Variants in EPB41L4A observed in about 807,000 individuals in gnomAD.
EPB41L4A encodes the protein erythrocyte membrane protein band 4.1 like 4A.
Under a neutral mutation model 108.6 loss-of-function variants are expected in EPB41L4A, and 100 were observed. That is an observed-to-expected ratio of 0.92 (90% CI 0.78 to 1.09). The LOEUF is 1.09. EPB41L4A is among the 50% of genes least tolerant of loss of function. The pLI is 0.00. For synonymous variants in EPB41L4A, 319 were observed against 289.0 expected, an observed-to-expected ratio of 1.10 and a Z score of -1.05; for missense variants, 1,030 against 842.7, an observed-to-expected ratio of 1.22 and a Z score of -2.75.
chr5:112,399,456 T>A (rs139551956), intron 1 of EPB41L4A, among the ~76,000 whole-genome samples: 117 of 152,310 alleles, frequency 7.7e-4, no homozygotes, highest in African/African-American at 2.7e-3. Flanking sequence ...CATGGCTGCA[T>A]CCAGGGCCCA....
At chr5:112,189,541 C>G (rs1318336296) in intron 17 of EPB41L4A, among the ~76,000 whole-genome samples, 1 of 152,128 alleles carries the variant, frequency 6.6e-6, no homozygotes, top group South Asian at 2.1e-4. Flanking sequence ...TGCAAACATC[C>G]TAGAATAAAA....
intron 1 of EPB41L4A, among the ~76,000 whole-genome samples, chr5:112,381,687 T>C (rs751547074): frequency 9.9e-5 from 15 of 152,252 alleles, no homozygotes; most frequent in Non-Finnish European, 1.5e-4. Context: ...GTCCTGAAGC[T>C]GGGATGCTGC....
chr5:112,339,943 G>C (rs984816588), intron 1 of EPB41L4A, among the ~76,000 whole-genome samples: 1 of 152,132 alleles, frequency 6.6e-6, no homozygotes, highest in Admixed American at 6.5e-5. Context: ...GCTCACAGAT[G>C]AGAAAACCAG....
intron 1 of EPB41L4A, among the ~76,000 whole-genome samples, chr5:112,339,515 TATAGATATATATCTATATATATATA>T: frequency 8.8e-5 from 2 of 22,668 alleles, no homozygotes; most frequent in African/African-American, 2.0e-4. Flanking sequence ...TATATAGATA[TATAGATATATATCTATATATATATA>T]TATTTTTTTT....
chr5:112,226,586 A>G (rs181568648), intron 12 of EPB41L4A, among the ~76,000 whole-genome samples: 1 of 152,302 alleles, frequency 6.6e-6, no homozygotes, highest in Non-Finnish European at 1.5e-5. Flanking sequence ...TAATGAACAC[A>G]CTGTAAGAAG....
At chr5:112,337,520 G>C (rs975401395) in intron 1 of EPB41L4A, among the ~76,000 whole-genome samples, 3 of 152,162 alleles carry the variant, frequency 2.0e-5, no homozygotes, top group African/African-American at 7.2e-5. Context: ...ACAGACTGGT[G>C]AAACTCCTGT....
chr5:112,308,045 T>C (rs1754806852), intron 1 of EPB41L4A, among the ~76,000 whole-genome samples: 1 of 152,190 alleles, frequency 6.6e-6, no homozygotes, highest in Non-Finnish European at 1.5e-5. Context: ...CTCTTTCACA[T>C]AAGCACAGAC....
chr5:112,151,433 A>C (rs1759463741), intron 12 of EPB41L4A, among the ~76,000 whole-genome samples: 1 of 151,300 alleles, frequency 6.6e-6, no homozygotes, highest in African/African-American at 2.4e-5. Flanking sequence ...TTTGAGACAG[A>C]GTCCTGTTCT....
intron 1 of EPB41L4A, among the ~76,000 whole-genome samples, chr5:112,335,702 T>C (rs1756873895): frequency 6.6e-6 from 1 of 152,196 alleles, no homozygotes; most frequent in South Asian, 2.1e-4. Flanking sequence ...TGCTCCTGTC[T>C]CCACAGAGCA....
chr5:112,351,860 T>A lies in EPB41L4A; in HGVS notation c.100-44370A>T, dbSNP rs1364418793. Among the ~76,000 whole-genome samples the A allele has an allele frequency of 1.3e-5, 2 of 152,180 alleles. 1 individual carries two copies. Among genetic ancestry groups the A allele is most frequent in the Non-Finnish European group, 2.9e-5 (2 of 68,028 alleles). On this transcript the variant is annotated intron_variant, in intron 1 of 22. Transcript: ENST00000261486. The stretch of plus-strand genomic sequence containing the variant: ...GAGTCAATAAACGCAAATCAATAAA[T>A]GTGATACGTTCCATCAACAGAATGA...
At chr5:112,228,582 G>A (rs1748638845) in intron 12 of EPB41L4A, 1 of 337,644 alleles carries the variant, frequency 3.0e-6, no homozygotes, top group Non-Finnish European at 4.2e-6. Context: ...TCAAAGCCTT[G>A]TGTATCCATC....
intron 17 of EPB41L4A, 44 bp from the exon 18 acceptor site, chr5:112,184,179 G>A (rs1415953205): frequency 1.2e-6 from 2 of 1,603,742 alleles, no homozygotes; most frequent in East Asian, 4.5e-5. Flanking sequence ...CTACATGGAT[G>A]GCGCGTTTTA....
At chr5:112,404,004 T>C (rs900822737) in intron 1 of EPB41L4A, among the ~76,000 whole-genome samples, 5 of 152,228 alleles carry the variant, frequency 3.3e-5, no homozygotes, top group Non-Finnish European at 7.4e-5. Flanking sequence ...GTTTTCAAAG[T>C]AAGCTCTGTT....
At chr5:112,314,943 C>T (rs1007214931) in intron 1 of EPB41L4A, among the ~76,000 whole-genome samples, 1 of 152,128 alleles carries the variant, frequency 6.6e-6, no homozygotes, top group African/African-American at 2.4e-5. Context: ...TTTCTGAAAT[C>T]AATAAATAAA....
chr5:112,400,238 AACTC>A (rs1240700346), intron 1 of EPB41L4A, among the ~76,000 whole-genome samples: 2 of 152,050 alleles, frequency 1.3e-5, no homozygotes, highest in Admixed American at 1.3e-4. Context: ...ATCTCATGAG[AACTC>A]ACTCACTATC....
intron 1 of EPB41L4A, among the ~76,000 whole-genome samples, chr5:112,323,564 C>T (rs1338021771): frequency 6.6e-6 from 1 of 152,170 alleles, no homozygotes; most frequent in Non-Finnish European, 1.5e-5. Context: ...TAAGTAAATA[C>T]CCTCTACTCA....
chr5:112,157,282 T>C (rs955471391), intron 12 of EPB41L4A, among the ~76,000 whole-genome samples: 4 of 152,180 alleles, frequency 2.6e-5, no homozygotes, highest in African/African-American at 9.7e-5. Context: ...CAGCTTTATA[T>C]GGATTAATTA....
exon 14 of EPB41L4A, chr5:112,143,814 T>C (rs1214151186): frequency 4.4e-6 from 2 of 450,300 alleles, no homozygotes; most frequent in Non-Finnish European, 9.0e-6. Context: ...GCCAAGGAGG[T>C]GGGGCTCTCT....
intron 13 of EPB41L4A, among the ~76,000 whole-genome samples, chr5:112,207,341 T>C (rs1202834008): frequency 5.3e-5 from 8 of 152,122 alleles, no homozygotes; most frequent in Non-Finnish European, 1.0e-4. Context: ...GAAGAAAACC[T>C]AGGAAATATC....
Sources: allele counts gnomAD v4.1 joint callset (sites outside exome capture counted in the v4.1 genomes callset), GRCh38; gene constraint gnomAD v4.1.1; transcripts MANE v1.5; gene names NCBI Gene and HGNC (gene_info 2026-07-23, HGNC 2026-07-21).